SLC25A47: variants seen among roughly 807,000 people sequenced by gnomAD.
SLC25A47 encodes HCC-down-regulated mitochondrial carrier protein.
In SLC25A47, 30 loss-of-function variants were observed where a neutral mutation model predicts 29.8. The observed-to-expected ratio is 1.01, with a 90% confidence interval of 0.75 to 1.36. SLC25A47 has a LOEUF of 1.36. SLC25A47 is among the 40% of genes most tolerant of loss of function. The pLI, the probability that SLC25A47 is intolerant of heterozygous loss-of-function variation, is 0.00. For missense variants in SLC25A47, 430 were observed against 441.9 expected (o/e 0.97, Z 0.24); for synonymous variants, 204 against 197.8 (o/e 1.03, Z -0.26).
At position 100,328,835 on chromosome 14, in the gene SLC25A47, C is replaced by T; in HGVS notation, c.437C>T (p.Pro146Leu). The T allele has an allele frequency of 6.2e-7, 1 of 1,612,524 alleles. No individual in the cohort carries two copies. Among genetic ancestry groups the T allele is most frequent in the Non-Finnish European group, 8.5e-7 (1 of 1,179,696 alleles). Residue 146 changes from proline to leucine, a missense_variant, in exon 5 of 6, where the codon CCC becomes CTC. Transcript: ENST00000361529. ...LSASGPLAVPPMCPVPPACPE... is the reference protein window; with the variant it reads ...LSASGPLAVPLMCPVPPACPE... ...GCCTCGGGGCCGTTGGCTGTGCCCC[C>T]CATGTGTCCTGTGCCCCCAGCCTGC...
In SLC25A47 at chr14:100,325,801, T is replaced by C; in HGVS notation, c.42T>C (p.Val14=). ...CTTTCCTTGCAGGCGTCTGCGGTGT[T>C]GCTGTGGGCTACCCCCTGGACACGG... ...VAGAIGGVCG[V]AVGYPLDTVK... Residue 14 remains valine, a synonymous_variant, in exon 2 of 6, where the codon GTT becomes GTC. Coordinates refer to ENST00000361529, the MANE Select transcript of SLC25A47 (RefSeq NM_207117.4). 1 of 1,612,944 alleles carries C rather than the reference T, an allele frequency of 6.2e-7. No individual in the cohort carries two copies. The highest frequency in any genetic ancestry group is 1.3e-5 in the African/African-American group (1 of 75,040).
Position 100,327,389 on chromosome 14 carries a change from G to A in SLC25A47, c.327+19G>A, listed in dbSNP as rs1253538962. On this transcript the variant is annotated intron_variant, in intron 4 of 5. Coordinates refer to ENST00000361529, the MANE Select transcript of SLC25A47 (RefSeq NM_207117.4). ...CGTCCGCGTGAGTAGGGGCAGCCAG[G>A]GTGGGGAAGGCCCAAGAGAGACTGC... 1 of 1,576,622 alleles carries A rather than the reference G, an allele frequency of 6.3e-7. No homozygotes were observed. Among genetic ancestry groups the A allele is most frequent in the Non-Finnish European group, 8.6e-7 (1 of 1,167,618 alleles).
At chr14:100,325,418 T>C (rs1446874654) in intron 1 of SLC25A47, among the ~76,000 whole-genome samples, 1 of 152,218 alleles carries the variant, frequency 6.6e-6, no homozygotes, top group East Asian at 1.9e-4. Flanking sequence ...AAGGTCTGCC[T>C]GGCTCAGAGA....
At position 100,328,914 on chromosome 14, in the gene SLC25A47, G is replaced by A. The variant is rs1343968641; in HGVS notation, c.516G>A (p.Glu172=). 1 of 1,609,658 alleles carries A rather than the reference G, an allele frequency of 6.2e-7. No homozygotes were observed. The highest frequency in any genetic ancestry group is 1.7e-5 in the Admixed American group (1 of 60,026). The change falls in exon 5 of 6, where the codon GAG becomes GAA. Residue 172 remains glutamate (E), a synonymous_variant. Transcript: ENST00000361529. ...ACTGCCTGGCCACGGTAGCCCGTGA[G>A]GAGGGGCTGTGCGGCCTCTACAAGG... ...PLHCLATVAR[E]EGLCGLYKGS... is the part of the protein sequence containing the mutation.
rs1893426751 is a variant in SLC25A47 at position 100,330,214 on chromosome 14, C to A, written c.*569C>A. On this transcript the variant is annotated 3_prime_UTR_variant, in exon 6 of 6. Coordinates refer to ENST00000361529, the MANE Select transcript of SLC25A47 (RefSeq NM_207117.4). ...AGGGGGTGCTGCCGGGACTGCCATG[C>A]CCACCTGAGAGGGGCCTGGGGTGGC... 6.4e-6 allele frequency: 1 copy of A among 156,040 alleles called. No homozygotes were observed. Among genetic ancestry groups the A allele is most frequent in the South Asian group, 2.0e-4 (1 of 5,124 alleles). 9.7% of individuals were successfully genotyped at this position (156,040 alleles called of 1,614,324 possible). A position where few individuals can be genotyped will look rare whatever the true frequency, so the allele number is the denominator to read the frequency against.
Position 100,327,214 on chromosome 14 carries a change from G to A in SLC25A47, c.171G>A (p.Ser57=). The change falls in exon 4 of 6, where the codon TCG becomes TCA. Residue 57 remains serine (S), a synonymous_variant. Transcript: ENST00000361529. Reference sequence around the variant, plus strand: ...TGTGGGGCTTCTACCGGGGCCTCTCGCTGCCCGTGTGCACGGTGTCCCTGG... The same window carrying A: ...TGTGGGGCTTCTACCGGGGCCTCTCACTGCCCGTGTGCACGGTGTCCCTGG... The part of the protein sequence containing the change: ...ERVWGFYRGL[S]LPVCTVSLVS... 6 of 1,608,596 alleles carry A rather than the reference G, an allele frequency of 3.7e-6. No individual in the cohort carries two copies. Among genetic ancestry groups the A allele is most frequent in the South Asian group, 1.1e-5 (1 of 90,882 alleles).
Position 100,329,026 on chromosome 14 carries a change from G to T in SLC25A47, c.628G>T (p.Ala210Ser). ...YAVLCEWLSP[A>S]GHSRPDVPGV... ...GGTCCTCTGCGAGTGGCTCAGCCCC[G>T]CTGGCCACAGCCGGCCAGGTGAGCA... The change falls in exon 5 of 6, where the codon GCT (alanine) becomes TCT (serine). Residue 210 changes from alanine (A) to serine (S), a missense_variant. Coordinates refer to ENST00000361529, the MANE Select transcript of SLC25A47 (RefSeq NM_207117.4). The T allele has an allele frequency of 6.3e-7, 1 of 1,599,136 alleles. No individual in the cohort carries two copies. Among genetic ancestry groups the T allele is most frequent in the Non-Finnish European group, 8.5e-7 (1 of 1,179,614 alleles).
rs1159616672 is a variant in SLC25A47, at chr14:100,323,411, G to C, written c.-4G>C. The C allele has an allele frequency of 1.9e-6, 3 of 1,613,836 alleles. No homozygotes were observed. Among genetic ancestry groups the C allele is most frequent in the African/African-American group, 2.7e-5 (2 of 75,068 alleles). ...ACCCAGGGCCTCCCCGCCACACCTT[G>C]TTCATGGATTTTGTCGCTGGAGCCA... On this transcript the variant is annotated 5_prime_UTR_variant, in exon 1 of 6. Transcript: ENST00000361529.
intron 1 of SLC25A47, among the ~76,000 whole-genome samples, chr14:100,324,634 C>T (rs1893305774): frequency 6.6e-6 from 1 of 152,156 alleles, no homozygotes; most frequent in Non-Finnish European, 1.5e-5. Flanking sequence ...GGAAAGGGCT[C>T]CTGAGTCTGG....
At position 100,327,308 on chromosome 14, in the gene SLC25A47, C is replaced by T. The variant is rs1211674393; in HGVS notation, c.265C>T (p.Pro89Ser). 3.7e-6 allele frequency: 6 copies of T among 1,603,932 alleles called. No individual in the cohort carries two copies. Among genetic ancestry groups the T allele is most frequent in the Non-Finnish European group, 5.1e-6 (6 of 1,179,906 alleles). Residue 89 changes from proline (P) to serine (S), a missense_variant, in exon 4 of 6, where the codon CCT (proline) becomes TCT (serine). Physicochemically the swap from Pro to Ser is moderately conservative, Grantham distance 74. Transcript: ENST00000361529. Reference protein sequence around the residue: ...AHICRLRYGNPDAKPTKADIT... With the variant: ...AHICRLRYGNSDAKPTKADIT... ...CATCTGCCGGCTCCGGTACGGCAAC[C>T]CTGACGCCAAGCCCACCAAGGCCGA...
chr14:100,330,211 A>C lies in SLC25A47; in HGVS notation c.*566A>C, dbSNP rs915610887. The C allele has an allele frequency of 6.4e-6, 1 of 156,224 alleles. No individual in the cohort carries two copies. The highest frequency in any genetic ancestry group is 1.4e-5 in the Non-Finnish European group (1 of 70,408). 9.7% of individuals were successfully genotyped at this position (156,224 alleles called of 1,614,324 possible). A position where few individuals can be genotyped will look rare whatever the true frequency, so the allele number is the denominator to read the frequency against. ...CAGAGGGGGTGCTGCCGGGACTGCC[A>C]TGCCCACCTGAGAGGGGCCTGGGGT... On this transcript the variant is annotated 3_prime_UTR_variant, in exon 6 of 6. Coordinates refer to ENST00000361529, the MANE Select transcript of SLC25A47 (RefSeq NM_207117.4).
At position 100,326,226 on chromosome 14, in the gene SLC25A47, C is replaced by T. The variant is rs756443963; in HGVS notation, c.142C>T (p.Arg48Cys). ...HCVRDTYHRE[R>C]VWGFYRGLSL... ...CGTCCGGGATACGTATCACCGAGAG[C>T]GCGTAGGTCTGGGGCCAGGGGCTGG... Residue 48 changes from arginine to cysteine, a missense_variant and splice_region_variant, in exon 3 of 6, where the codon CGC (arginine) becomes TGC (cysteine). By Grantham distance (180) the Arg-to-Cys change is radical. Transcript: ENST00000361529. The T allele has an allele frequency of 6.2e-6, 10 of 1,613,482 alleles. No individual in the cohort carries two copies. The highest frequency in any genetic ancestry group is 1.1e-5 in the South Asian group (1 of 90,970).
chr14:100,328,586 C>T lies in SLC25A47; in HGVS notation c.328-140C>T. On this transcript the variant is annotated intron_variant, in intron 4 of 5. Transcript: ENST00000361529. ...GAGCTGGCTTTGGGCCCCGTGGCCC[C>T]CCAGCCCTGGGCCAGCCTGCAGGGT... 3 of 855,004 alleles carry T rather than the reference C, an allele frequency of 3.5e-6. No individual in the cohort carries two copies. In the South Asian group the frequency reaches 4.8e-5, roughly 14 times the overall value. 53.0% of individuals were successfully genotyped at this position (855,004 alleles called of 1,614,324 possible).
chr14:100,326,253 T>C lies in SLC25A47; in HGVS notation c.144+25T>C, dbSNP rs956019256. 3 of 1,606,812 alleles carry C rather than the reference T, an allele frequency of 1.9e-6. No individual in the cohort carries two copies. The African/African-American group carries it at 4.1e-5, about 22-fold the overall frequency. The stretch of plus-strand genomic sequence containing the variant: ...CGTAGGTCTGGGGCCAGGGGCTGGG[T>C]AGGGAGACAGGGAGGGGATGCTGGG... On this transcript the variant is annotated intron_variant, in intron 3 of 5. Transcript: ENST00000361529.
intron 2 of SLC25A47, 101 bp downstream of exon 2, chr14:100,325,932 C>T (rs2139844875): frequency 7.5e-7 from 1 of 1,333,790 alleles, no homozygotes; most frequent in South Asian, 1.3e-5. Context: ...CCTTTCCTAC[C>T]CAAATGCCTT....
intron 1 of SLC25A47, 92 bp downstream of exon 1, chr14:100,323,534 G>A: frequency 1.2e-5 from 18 of 1,471,372 alleles, no homozygotes; most frequent in Non-Finnish European, 1.6e-5. Context: ...GCAGCAGGGT[G>A]GGCTTTGAGG....
intron 1 of SLC25A47, among the ~76,000 whole-genome samples, chr14:100,325,252 C>A (rs1893315284): frequency 6.6e-6 from 1 of 152,228 alleles, no homozygotes; most frequent in African/African-American, 2.4e-5. Context: ...TGGTTCCAGG[C>A]AGTCCTGGCT....
At chr14:100,329,072 C>A in intron 5 of SLC25A47, 28 bp downstream of exon 5, 1 of 1,590,740 alleles carries the variant, frequency 6.3e-7, no homozygotes, top group Non-Finnish European at 8.5e-7. Context: ...CCTGGCAGGG[C>A]GGGGAGCCCA....
intron 4 of SLC25A47, among the ~76,000 whole-genome samples, chr14:100,328,447 G>C (rs1404002032): frequency 6.6e-6 from 1 of 152,212 alleles, no homozygotes; most frequent in African/African-American, 2.4e-5. Context: ...TACTAAATAC[G>C]TTCTTGAACC....
Sources: allele counts gnomAD v4.1 joint callset (sites outside exome capture counted in the v4.1 genomes callset), GRCh38; gene constraint gnomAD v4.1.1; transcripts MANE v1.5; gene names NCBI Gene and HGNC (gene_info 2026-07-23, HGNC 2026-07-21).